UBE2E1: variants seen among roughly 807,000 people sequenced by gnomAD.
The protein encoded by UBE2E1 is ubiquitin-conjugating enzyme E2 E1.
Under a neutral mutation model 21.4 loss-of-function variants are expected in UBE2E1, and 6 were observed. The observed-to-expected ratio is 0.28, with a 90% confidence interval of 0.15 to 0.55. UBE2E1 has a LOEUF of 0.55. Among genes scored for constraint, UBE2E1 ranks in the 20% least tolerant of loss-of-function variants. The pLI is 0.93. For synonymous variants in UBE2E1, 87 were observed against 82.7 expected (o/e 1.05, Z -0.28); for missense variants, 142 against 236.5 (o/e 0.60, Z 2.62).
chr3:23,844,717 C>G (rs573836114), intron 3 of UBE2E1, among the ~76,000 whole-genome samples: 7 of 152,206 alleles, frequency 4.6e-5, no homozygotes, highest in Admixed American at 3.9e-4. Flanking sequence ...CTAATTTTTG[C>G]CAATCATACT....
rs1285252322 is a variant in UBE2E1 at position 23,823,002 on chromosome 3, A to G, written c.203+11492A>G. On this transcript the variant is annotated intron_variant, in intron 3 of 5. Coordinates refer to ENST00000306627, the MANE Select transcript of UBE2E1 (RefSeq NM_003341.5). The surrounding 1 kb of genome is among the most constrained non-coding windows in gnomAD (Gnocchi z 4.2). ...GCTGGGGTTACAGGCATGTGCCACC[A>G]CGCCCAGCTAATTTTTGTATTTTTA... Among the ~76,000 whole-genome samples the G allele has an allele frequency of 1.3e-5, 2 of 151,962 alleles. No homozygotes were observed. Among genetic ancestry groups the G allele is most frequent in the Non-Finnish European group, 2.9e-5 (2 of 67,990 alleles).
intron 5 of UBE2E1, 184 bp downstream of exon 5, chr3:23,889,443 A>G (rs1701289523): frequency 1.4e-6 from 2 of 1,452,158 alleles, no homozygotes; most frequent in Admixed American, 2.8e-5. Context: ...AACTTCATTA[A>G]TCAGTATATT....
intron 3 of UBE2E1, among the ~76,000 whole-genome samples, chr3:23,843,247 G>C (rs1184525472): frequency 6.6e-6 from 1 of 152,042 alleles, no homozygotes. Context: ...TTGTATAATC[G>C]AGGTTAATGC....
In UBE2E1 at chr3:23,842,525, A is replaced by C. The variant is rs1700118530; in HGVS notation, c.203+31015A>C. Among the ~76,000 whole-genome samples, 1 of 152,228 alleles carries C rather than the reference A, an allele frequency of 6.6e-6. No individual in the cohort carries two copies. The highest frequency in any genetic ancestry group is 6.5e-5 in the Admixed American group (1 of 15,286). ...ATTATCATTTGCTATAAATATCACT[A>C]AACTTTGTCATCCTAAGTGAGATAA... On this transcript the variant is annotated intron_variant, in intron 3 of 5. Transcript: ENST00000306627. The surrounding 1 kb of genome is among the most constrained non-coding windows in gnomAD (Gnocchi z 4.6).
intron 3 of UBE2E1, among the ~76,000 whole-genome samples, chr3:23,844,526 G>A (rs372916092): frequency 1.3e-5 from 2 of 152,092 alleles, no homozygotes; most frequent in Admixed American, 6.5e-5. Flanking sequence ...ATTCTGGTCC[G>A]TAATCTTTTT....
chr3:23,849,115 A>T (rs1298899470), intron 3 of UBE2E1, among the ~76,000 whole-genome samples: 1 of 151,960 alleles, frequency 6.6e-6, no homozygotes, highest in Admixed American at 6.6e-5. Context: ...ATTTTATTTT[A>T]TTTTTTTAGG....
At chr3:23,835,339 G>A (rs1335202984) in intron 3 of UBE2E1, among the ~76,000 whole-genome samples, 2 of 151,984 alleles carry the variant, frequency 1.3e-5, no homozygotes, top group African/African-American at 4.8e-5. Flanking sequence ...GTGCTGGTGC[G>A]CACCTGTGGT....
At position 23,816,864 on chromosome 3, in the gene UBE2E1, T is replaced by C. The variant is rs1034795044; in HGVS notation, c.203+5354T>C. 6.6e-6 allele frequency among the ~76,000 whole-genome samples: 1 copy of C among 152,210 alleles called. No individual in the cohort carries two copies. The highest frequency in any genetic ancestry group is 2.4e-5 in the African/African-American group (1 of 41,454). The stretch of plus-strand genomic sequence containing the variant: ...GAGGGGAGGGGAGAATGGGGAGTTA[T>C]TTCTTAATGAATACAGTTTCTTTTT... On this transcript the variant is annotated intron_variant, in intron 3 of 5. Transcript: ENST00000306627. The surrounding 1 kb of genome is among the most constrained non-coding windows in gnomAD (Gnocchi z 4.8).
intron 3 of UBE2E1, among the ~76,000 whole-genome samples, chr3:23,829,247 A>G (rs1699817281): frequency 1.3e-5 from 2 of 149,754 alleles, no homozygotes; most frequent in South Asian, 4.2e-4. Flanking sequence ...TGCAGCCTTG[A>G]ACTCCTGGGG....
At chr3:23,875,490 A>G (rs1485066258) in intron 3 of UBE2E1, among the ~76,000 whole-genome samples, 1 of 152,218 alleles carries the variant, frequency 6.6e-6, no homozygotes, top group Non-Finnish European at 1.5e-5. Flanking sequence ...AATGAACTCT[A>G]TAGCTTCCAT....
chr3:23,877,483 T>C (rs997320313), intron 3 of UBE2E1, among the ~76,000 whole-genome samples: 4 of 152,116 alleles, frequency 2.6e-5, no homozygotes, highest in African/African-American at 4.8e-5. Flanking sequence ...TCTGGTGCAT[T>C]GTAGGATGTT....
intron 1 of UBE2E1, 89 bp from the exon 2 acceptor site, chr3:23,807,148 G>T: frequency 8.5e-7 from 1 of 1,171,406 alleles, no homozygotes. Flanking sequence ...GTGCGCCCCT[G>T]GTCAATGCCC....
rs528042556 is a variant in UBE2E1, at chr3:23,808,397, G to A, written c.152+976G>A. ...CTTCTGCTCTCAGAGTTAGGCAGTT[G>A]TTAAAAAGGTGGCAAACCAGGAAGA... On this transcript the variant is annotated intron_variant, in intron 2 of 5. Transcript: ENST00000306627. The surrounding 1 kb of genome is among the most constrained non-coding windows in gnomAD (Gnocchi z 4.9). Among the ~76,000 whole-genome samples, 9 of 152,254 alleles carry A rather than the reference G, an allele frequency of 5.9e-5. No homozygotes were observed. Among genetic ancestry groups the A allele is most frequent in the African/African-American group, 2.2e-4 (9 of 41,540 alleles).
chr3:23,810,486 T>TGGGCAGACCCCGGGAAGTTAGA lies in UBE2E1; in HGVS notation c.153-971_153-950dup. The stretch of plus-strand genomic sequence containing the variant: ...GCTAGAGAGCGGACCATGAAGGAAG[T>TGGGCAGACCCCGGGAAGTTAGA]GGGCAGACCCCGGGAAGTTAGAGGA... On this transcript the variant is annotated intron_variant, in intron 2 of 5. Transcript: ENST00000306627. The surrounding 1 kb of genome is among the most constrained non-coding windows in gnomAD (Gnocchi z 5.8). 6.5e-7 allele frequency: 1 copy of TGGGCAGACCCCGGGAAGTTAGA among 1,535,342 alleles called. No homozygotes were observed. The highest frequency in any genetic ancestry group is 8.7e-7 in the Non-Finnish European group (1 of 1,146,558).
chr3:23,827,330 C>T (rs1699779349), intron 3 of UBE2E1, among the ~76,000 whole-genome samples: 1 of 152,134 alleles, frequency 6.6e-6, no homozygotes, highest in African/African-American at 2.4e-5. Context: ...CAGTAGAAAG[C>T]CTGATTTATG....
At chr3:23,860,298 A>G (rs2125313081) in intron 3 of UBE2E1, among the ~76,000 whole-genome samples, 1 of 152,102 alleles carries the variant, frequency 6.6e-6, no homozygotes, top group East Asian at 1.9e-4. Context: ...CACCTCACTA[A>G]ATTAGCTGTT....
Position 23,807,301 on chromosome 3 carries a change from G to C in UBE2E1, c.32G>C (p.Ser11Thr). The C allele has an allele frequency of 6.2e-7, 1 of 1,613,894 alleles. No homozygotes were observed. The highest frequency in any genetic ancestry group is 8.5e-7 in the Non-Finnish European group (1 of 1,179,950). The change falls in exon 2 of 6, where the codon AGC (serine) becomes ACC (threonine). Residue 11 changes from serine (S) to threonine (T), a missense_variant. Physicochemically the swap from Ser to Thr is moderately conservative, Grantham distance 58. This residue lies in a region of UBE2E1 where 55 missense variants were observed against 51.5 expected (regional missense o/e 1.07). Coordinates refer to ENST00000306627, the MANE Select transcript of UBE2E1 (RefSeq NM_003341.5). MSDDDSRAST[S>T]SSSSSSSNQQ... is the part of the protein sequence containing the mutation. ...GATGACGATTCGAGGGCCAGCACCA[G>C]CTCCTCCTCATCTTCGTCTTCCAAC...
At chr3:23,873,543 C>T (rs1047755567) in intron 3 of UBE2E1, among the ~76,000 whole-genome samples, 6 of 152,106 alleles carry the variant, frequency 3.9e-5, no homozygotes, top group South Asian at 2.1e-4. Flanking sequence ...ATCAGGAGTT[C>T]GAGACCAGCC....
At position 23,810,732 on chromosome 3, in the gene UBE2E1, C is replaced by T. The variant is rs1043088740; in HGVS notation, c.153-728C>T. ...GAGCTGGGGCGGCGCGGAGCAGCCC[C>T]CGTGCGGGCACCCTGTTCCCCTCCC... On this transcript the variant is annotated intron_variant, in intron 2 of 5. Transcript: ENST00000306627. The surrounding 1 kb of genome is among the most constrained non-coding windows in gnomAD (Gnocchi z 5.8). 1.3e-5 allele frequency: 5 copies of T among 395,392 alleles called. No individual in the cohort carries two copies. Among genetic ancestry groups the T allele is most frequent in the East Asian group, 4.4e-5 (1 of 22,632 alleles). 24.5% of individuals were successfully genotyped at this position (395,392 alleles called of 1,614,324 possible). A position where few individuals can be genotyped will look rare whatever the true frequency, so the allele number is the denominator to read the frequency against.
Sources: gnomAD v4.1 joint callset for allele counts (sites outside exome capture counted in the v4.1 genomes callset) on GRCh38, gnomAD v4.1.1 for gene constraint, gnomAD v4.1.1 regional missense constraint, Gnocchi (gnomAD v3.1) non-coding constraint, MANE v1.5 for transcripts, NCBI Gene and HGNC (gene_info 2026-07-23, HGNC 2026-07-21) for gene names.